The following MYT1 variants were observed in gnomAD, a reference collection of about 807,000 sequenced individuals.
The protein encoded by MYT1 is myelin transcription factor 1.
Under a neutral mutation model 123.0 loss-of-function variants are expected in MYT1, and 23 were observed. That is an observed-to-expected ratio of 0.19 (90% CI 0.13 to 0.26). The LOEUF is 0.26. MYT1 is among the 10% of genes least tolerant of loss of function. The probability of loss-of-function intolerance (pLI) is 1.00; values close to 1 mark genes in which losing one functional copy is unlikely to be tolerated. For synonymous variants in MYT1, 518 were observed against 575.3 expected (o/e 0.90, Z 1.43); for missense variants, 1,125 against 1,472.5 (o/e 0.76, Z 3.86).
intron 19 of MYT1, among the ~76,000 whole-genome samples, chr20:64,234,974 ATGGCTGTGGTGGGTGACACTGGGC>A (rs1984463396): frequency 1.4e-5 from 1 of 71,826 alleles, no homozygotes; most frequent in Non-Finnish European, 2.8e-5. Flanking sequence ...TGACCCTGGG[ATGGCTGTGGTGGGTGACACTGGGC>A]TGGCTGTGGT....
rs1171890193 is a variant in MYT1, at chr20:64,208,965, G to A, written c.1291+478G>A. 2.6e-5 allele frequency among the ~76,000 whole-genome samples: 4 copies of A among 152,368 alleles called. No individual in the cohort carries two copies. The highest frequency in any genetic ancestry group is 7.2e-5 in the African/African-American group (3 of 41,592). The stretch of plus-strand genomic sequence containing the variant: ...GTGCCCTTGCTCCTCAGAGGGAGCA[G>A]CCTGCCGCTGGCTCTGCATCTGTCT... On this transcript the variant is annotated intron_variant, in intron 7 of 22. Transcript: ENST00000328439. The surrounding 1 kb of genome is among the most constrained non-coding windows in gnomAD (Gnocchi z 5.4).
intron 11 of MYT1, among the ~76,000 whole-genome samples, chr20:64,217,798 T>C (rs1983884649): frequency 6.6e-6 from 1 of 152,260 alleles, no homozygotes; most frequent in African/African-American, 2.4e-5. Context: ...ACCATCTTAC[T>C]GGATACAATG....
In MYT1 at chr20:64,189,073, A is replaced by G. The variant is rs1314046845; in HGVS notation, c.-98-990A>G. Among the ~76,000 whole-genome samples, 1 of 152,242 alleles carries G rather than the reference A, an allele frequency of 6.6e-6. No individual in the cohort carries two copies. The highest frequency in any genetic ancestry group is 1.5e-5 in the Non-Finnish European group (1 of 68,048). ...CAGATAAGAAGAGGGTGCTGTGGCC[A>G]GAGGCACAGGGCTGCCTGGGGCCAG... On this transcript the variant is annotated intron_variant, in intron 1 of 22. Transcript: ENST00000328439. The surrounding 1 kb of genome is among the most constrained non-coding windows in gnomAD (Gnocchi z 5.5).
At position 64,208,236 on chromosome 20, in the gene MYT1, G is replaced by T. The variant is rs61746506; in HGVS notation, c.1040G>T (p.Arg347Leu). The change falls in exon 7 of 23, where the codon CGC (arginine) becomes CTC (leucine). Residue 347 changes from arginine to leucine, a missense_variant. Transcript: ENST00000328439. The surrounding 1 kb of genome is among the most constrained non-coding windows in gnomAD (Gnocchi z 5.4). Reference protein sequence around the residue: ...KPEYSVIVEVRSDDDKDEDTH... With the variant: ...KPEYSVIVEVLSDDDKDEDTH... ...GAGTACTCTGTTATTGTGGAGGTCC[G>T]CTCGGATGATGACAAGGACGAGGAC... 1 of 1,614,110 alleles carries T rather than the reference G, an allele frequency of 6.2e-7. No homozygotes were observed. Among genetic ancestry groups the T allele is most frequent in the Non-Finnish European group, 8.5e-7 (1 of 1,180,036 alleles).
intron 18 of MYT1, among the ~76,000 whole-genome samples, chr20:64,230,456 T>C (rs1332979796): frequency 6.6e-6 from 1 of 152,214 alleles, no homozygotes; most frequent in East Asian, 1.9e-4. Flanking sequence ...GAGGTTGCAG[T>C]GAGCCAAGAT....
rs970191746 is a variant in MYT1, at chr20:64,168,655, C to T, written c.-99+3916C>T. Among the ~76,000 whole-genome samples the T allele has an allele frequency of 2.0e-5, 3 of 152,194 alleles. No individual in the cohort carries two copies. The highest frequency in any genetic ancestry group is 2.4e-5 in the African/African-American group (1 of 41,444). On this transcript the variant is annotated intron_variant, in intron 1 of 22. Coordinates refer to ENST00000328439, the MANE Select transcript of MYT1 (RefSeq NM_004535.3). The surrounding 1 kb of genome is among the most constrained non-coding windows in gnomAD (Gnocchi z 6.1). ...CAACCTTCAAGAGAGTGACTTTGTG[C>T]TCTGGCAACTGAGTGTGTGGTTTGC...
Position 64,236,188 on chromosome 20 carries a change from A to ATGGCCGTGGTGGGTGACCCTGGGC in MYT1, c.2898-362_2898-339dup, listed in dbSNP as rs1568723036. On this transcript the variant is annotated intron_variant, in intron 19 of 22. Coordinates refer to ENST00000328439, the MANE Select transcript of MYT1 (RefSeq NM_004535.3). ...GCTGGCCGTGGTGGGTGACCCTGGG[A>ATGGCCGTGGTGGGTGACCCTGGGC]TGGCCGTGGTGGGTGACCCTGGGCT... is the stretch of plus-strand genomic sequence containing the variant. 4.3e-4 allele frequency among the ~76,000 whole-genome samples: 6 copies of ATGGCCGTGGTGGGTGACCCTGGGC among 13,860 alleles called. 2 individuals carry two copies. Among genetic ancestry groups the ATGGCCGTGGTGGGTGACCCTGGGC allele is most frequent in the African/African-American group, 2.3e-3 (3 of 1,332 alleles). The allele number at this position is 13,860 out of a possible 152,430, so 9.1% of individuals were successfully genotyped here. A position where few individuals can be genotyped will look rare whatever the true frequency, so the allele number is the denominator to read the frequency against.
rs1184909553 is a variant in MYT1, at chr20:64,232,189, C to G, written c.2701C>G (p.Leu901Val). The change falls in exon 19 of 23, where the codon CTC (leucine) becomes GTC (valine). Residue 901 changes from leucine to valine, a missense_variant. Transcript: ENST00000328439. The surrounding 1 kb of genome is among the most constrained non-coding windows in gnomAD (Gnocchi z 6.9). ...GTGCCCAGTTCCAGGCTGTGTGGGG[C>G]TCGGTCACATCAGCGGGAAATACGC... ...MKCPVPGCVGLGHISGKYASH... is the reference protein window; with the variant it reads ...MKCPVPGCVGVGHISGKYASH... The G allele has an allele frequency of 6.2e-7, 1 of 1,612,980 alleles. No individual in the cohort carries two copies. The highest frequency in any genetic ancestry group is 8.5e-7 in the Non-Finnish European group (1 of 1,179,994).
chr20:64,237,233 G>A, intron 20 of MYT1, 54 bp from the exon 21 acceptor site: 1 of 1,487,264 alleles, frequency 6.7e-7, no homozygotes, highest in African/African-American at 1.4e-5. Context: ...ACAGCACTTT[G>A]GCCCAGGCCT....
At chr20:64,171,084 AT>A (rs71197460) in intron 1 of MYT1, among the ~76,000 whole-genome samples, 120,053 of 143,716 alleles carry the variant, frequency 0.84, 50,177 homozygotes, top group East Asian at 0.99. Context: ...TAATTTTTGT[AT>A]TTTTTTTTTT....
intron 1 of MYT1, among the ~76,000 whole-genome samples, chr20:64,180,709 C>CT (rs1982629575): frequency 6.6e-6 from 1 of 152,232 alleles, no homozygotes; most frequent in Non-Finnish European, 1.5e-5. Flanking sequence ...AGAACTGGAC[C>CT]TTTTCGGACA....
Position 64,203,768 on chromosome 20 carries a change from C to A in MYT1, c.87-1267C>A, listed in dbSNP as rs543872022. ...ACTGGGCCCCACAGTTGTCTGCAGT[C>A]AGGCCTGTGATCAGTCGAATTAGAA... On this transcript the variant is annotated intron_variant, in intron 4 of 22. Transcript: ENST00000328439. The surrounding 1 kb of genome is among the most constrained non-coding windows in gnomAD (Gnocchi z 5.1). 6.6e-6 allele frequency among the ~76,000 whole-genome samples: 1 copy of A among 152,224 alleles called. No individual in the cohort carries two copies. Among genetic ancestry groups the A allele is most frequent in the Non-Finnish European group, 1.5e-5 (1 of 68,048 alleles).
At chr20:64,201,335 C>G (rs923325299) in intron 4 of MYT1, among the ~76,000 whole-genome samples, 1 of 152,216 alleles carries the variant, frequency 6.6e-6, no homozygotes, top group Non-Finnish European at 1.5e-5. Context: ...ACGCCCTCAT[C>G]ATGAGCCTTG....
At chr20:64,229,064 T>C (rs147769709) in intron 18 of MYT1, among the ~76,000 whole-genome samples, 7 of 152,372 alleles carry the variant, frequency 4.6e-5, no homozygotes, top group African/African-American at 1.7e-4. Flanking sequence ...AGGAGCCTAA[T>C]TGACCAACAT....
intron 1 of MYT1, among the ~76,000 whole-genome samples, chr20:64,182,993 G>A (rs1400297122): frequency 2.0e-5 from 3 of 152,114 alleles, no homozygotes; most frequent in Non-Finnish European, 4.4e-5. Context: ...AGTTTAGACC[G>A]TTTTGATCAC....
At chr20:64,210,657 C>T (rs1490076592) in intron 7 of MYT1, among the ~76,000 whole-genome samples, 1 of 152,224 alleles carries the variant, frequency 6.6e-6, no homozygotes, top group African/African-American at 2.4e-5. Context: ...TCTGAGGGTC[C>T]TCCGTGTTCC....
chr20:64,207,612 C>G lies in MYT1; in HGVS notation c.416C>G (p.Ser139Cys). The change falls in exon 7 of 23, where the codon TCC becomes TGC. Residue 139 changes from serine to cysteine, a missense_variant. Physicochemically the swap from Ser to Cys is moderately radical, Grantham distance 112 (BLOSUM62 -1). Around this residue, in one of 4 missense-constraint regions of MYT1, gnomAD observed 406 missense variants for 432.2 expected, o/e 0.94. Transcript: ENST00000328439. ...TGTGCAGGAAGGAGCCCCGTCAAGT[C>G]CCATTTTGGATCCAACCCCATCGGC... ...ETAEGRSPVK[S>C]HFGSNPIGSA... 6.2e-7 allele frequency: 1 copy of G among 1,613,448 alleles called. No homozygotes were observed. Among genetic ancestry groups the G allele is most frequent in the Non-Finnish European group, 8.5e-7 (1 of 1,179,756 alleles).
intron 21 of MYT1, among the ~76,000 whole-genome samples, chr20:64,238,851 G>GA (rs1461004605): frequency 6.6e-6 from 1 of 152,250 alleles, no homozygotes; most frequent in Non-Finnish European, 1.5e-5. Flanking sequence ...GAAGGACTCA[G>GA]AAACCCCTGT....
intron 5 of MYT1, among the ~76,000 whole-genome samples, chr20:64,205,346 G>GC: frequency 6.6e-6 from 1 of 152,184 alleles, no homozygotes; most frequent in Non-Finnish European, 1.5e-5. Flanking sequence ...GGAGGTCCGT[G>GC]TGGCCATGGG....
Sources: allele counts gnomAD v4.1 joint callset (sites outside exome capture counted in the v4.1 genomes callset), GRCh38; gene constraint gnomAD v4.1.1; regional missense constraint gnomAD v4.1.1; non-coding constraint Gnocchi (gnomAD v3.1); transcripts MANE v1.5; gene names NCBI Gene and HGNC (gene_info 2026-07-23, HGNC 2026-07-21).